PARD3B: variants seen among roughly 807,000 people sequenced by gnomAD.
The protein encoded by PARD3B is partitioning defective 3 homolog B.
Under a neutral mutation model 130.2 loss-of-function variants are expected in PARD3B, and 103 were observed. The observed-to-expected ratio is 0.79, with a 90% CI of 0.67 to 0.93. PARD3B has a LOEUF of 0.93. Ranked by LOEUF, PARD3B falls within the 40% of genes least tolerant of loss-of-function variation. The pLI is 0.00. For missense variants in PARD3B, 1,609 were observed against 1,499.2 expected, an observed-to-expected ratio of 1.07 and a Z score of -1.21; for synonymous variants, 583 against 553.2, an observed-to-expected ratio of 1.05 and a Z score of -0.76.
At chr2:205,179,895 A>G (rs1248193346) in intron 13 of PARD3B, among the ~76,000 whole-genome samples, 4 of 152,244 alleles carry the variant, frequency 2.6e-5, no homozygotes, top group Admixed American at 1.3e-4. Flanking sequence ...TAAAAAATAC[A>G]ATACAATAAT....
intron 22 of PARD3B, among the ~76,000 whole-genome samples, chr2:205,586,028 A>G (rs1294881901): frequency 6.6e-6 from 1 of 152,222 alleles, no homozygotes; most frequent in Admixed American, 6.5e-5. Context: ...CCAGGGCAGA[A>G]AAAAGATTTT....
At chr2:205,427,918 G>A (rs1014987534) in intron 19 of PARD3B, among the ~76,000 whole-genome samples, 2 of 152,176 alleles carry the variant, frequency 1.3e-5, no homozygotes, top group African/African-American at 4.8e-5. Context: ...TTAAACTTTA[G>A]TAGTCAAACT....
At chr2:204,853,251 T>A (rs1049401406) in intron 2 of PARD3B, among the ~76,000 whole-genome samples, 3 of 152,134 alleles carry the variant, frequency 2.0e-5, no homozygotes, top group African/African-American at 7.2e-5. Flanking sequence ...ATGTGCAATA[T>A]CCATAATAAA....
intron 3 of PARD3B, among the ~76,000 whole-genome samples, chr2:205,025,740 G>T (rs1238948102): frequency 1.3e-5 from 2 of 152,068 alleles, no homozygotes; most frequent in Admixed American, 1.3e-4. Flanking sequence ...TTTAATACCA[G>T]CCCGGTTCTG....
At chr2:205,149,876 G>C (rs557261577) in intron 10 of PARD3B, among the ~76,000 whole-genome samples, 1 of 152,164 alleles carries the variant, frequency 6.6e-6, no homozygotes, top group South Asian at 2.1e-4. Context: ...CTTGGGGAAG[G>C]GGGTACTGCT....
chr2:205,002,722 A>C (rs1225322328), intron 3 of PARD3B, among the ~76,000 whole-genome samples: 1 of 152,122 alleles, frequency 6.6e-6, no homozygotes, highest in African/African-American at 2.4e-5. Flanking sequence ...CCATCAGATC[A>C]GGTCTTTCCC....
At chr2:204,598,400 G>T (rs1035342208) in intron 1 of PARD3B, among the ~76,000 whole-genome samples, 3 of 152,062 alleles carry the variant, frequency 2.0e-5, no homozygotes, top group Non-Finnish European at 2.9e-5. Flanking sequence ...CAAGACTACA[G>T]GGGTAGTTTA....
chr2:205,189,810 T>C (rs940293978), intron 14 of PARD3B, among the ~76,000 whole-genome samples: 3 of 152,212 alleles, frequency 2.0e-5, no homozygotes, highest in African/African-American at 7.2e-5. Context: ...GCCTCCTTAA[T>C]ATCCATCAAT....
rs557466479 is a variant in PARD3B at position 205,021,684 on chromosome 2, C to G, written c.395-25897C>G. Among the ~76,000 whole-genome samples, 8 of 150,684 alleles carry G rather than the reference C, an allele frequency of 5.3e-5. No individual in the cohort carries two copies. Among genetic ancestry groups the G allele is most frequent in the Admixed American group, 6.6e-5 (1 of 15,076 alleles). On this transcript the variant is annotated intron_variant, in intron 3 of 22. Coordinates refer to ENST00000406610, the MANE Select transcript of PARD3B (RefSeq NM_001302769.2). The surrounding 1 kb of genome is among the most constrained non-coding windows in gnomAD (Gnocchi z 4.5). ...TATATATAGTTAATCTTTTCAATGA[C>G]CCTGTGTCTTTCTTTGGATAGAAAT... is the stretch of plus-strand genomic sequence containing the variant.
intron 1 of PARD3B, among the ~76,000 whole-genome samples, chr2:204,579,306 T>C (rs1409698980): frequency 1.3e-5 from 2 of 151,924 alleles, no homozygotes; most frequent in Non-Finnish European, 2.9e-5. Flanking sequence ...ATCCAGGGTC[T>C]AGTAAGGCCA....
At chr2:205,476,858 G>T (rs547276781) in intron 20 of PARD3B, among the ~76,000 whole-genome samples, 1 of 152,120 alleles carries the variant, frequency 6.6e-6, no homozygotes, top group Non-Finnish European at 1.5e-5. Flanking sequence ...ATGTGTGTAT[G>T]TGTATGCGTG....
In PARD3B at chr2:205,319,217, C is replaced by T. The variant is rs1338227362; in HGVS notation, c.2630+17516C>T. Among the ~76,000 whole-genome samples, 3 of 152,154 alleles carry T rather than the reference C, an allele frequency of 2.0e-5. No individual in the cohort carries two copies. The East Asian group carries it at 5.8e-4, about 29-fold the overall frequency. On this transcript the variant is annotated intron_variant, in intron 18 of 22. Transcript: ENST00000406610. Reference sequence around the variant, plus strand: ...ACCAGTAGAGCACTGAGCAACCATGCCTCTTAAACAAAGCACTACCTCCCT... The same window carrying T: ...ACCAGTAGAGCACTGAGCAACCATGTCTCTTAAACAAAGCACTACCTCCCT...
chr2:205,344,194 TTG>T lies in PARD3B; in HGVS notation c.2630+42525_2630+42526del, dbSNP rs1553681141. 4.5e-3 allele frequency among the ~76,000 whole-genome samples: 631 copies of T among 140,962 alleles called. 4 individuals carry two copies. The highest frequency in any genetic ancestry group is 0.027 in the East Asian group (127 of 4,684). 92.5% of individuals were successfully genotyped at this position (140,962 alleles called of 152,430 possible). On this transcript the variant is annotated intron_variant, in intron 18 of 22. Coordinates refer to ENST00000406610, the MANE Select transcript of PARD3B (RefSeq NM_001302769.2). ...GAAGGTGGGAAATGTGTCAGTTGGT[TTG>T]TGTGTGTGTGTGTGTGTGTGTGTGT...
chr2:205,337,344 T>C (rs1182732216), intron 18 of PARD3B, among the ~76,000 whole-genome samples: 1 of 152,242 alleles, frequency 6.6e-6, no homozygotes, highest in Non-Finnish European at 1.5e-5. Context: ...ATTTTAAGTT[T>C]CTAAGTAACT....
chr2:204,826,886 G>A (rs892087133), intron 2 of PARD3B, among the ~76,000 whole-genome samples: 22 of 152,174 alleles, frequency 1.4e-4, no homozygotes, highest in African/African-American at 5.1e-4. Flanking sequence ...CAGTCATGGT[G>A]GTATGTGCCT....
At chr2:205,386,611 T>A (rs930706028) in intron 18 of PARD3B, among the ~76,000 whole-genome samples, 2 of 150,892 alleles carry the variant, frequency 1.3e-5, no homozygotes, top group Admixed American at 1.3e-4. Context: ...TTCTGAGCAA[T>A]GAGAACTTAC....
chr2:205,162,852 A>G (rs1379649697), intron 11 of PARD3B, among the ~76,000 whole-genome samples: 1 of 152,192 alleles, frequency 6.6e-6, no homozygotes, highest in African/African-American at 2.4e-5. Flanking sequence ...CCGTCTGAAG[A>G]TGTTAGATAT....
chr2:205,487,678 G>A (rs901900742), intron 20 of PARD3B, among the ~76,000 whole-genome samples: 13 of 152,342 alleles, frequency 8.5e-5, no homozygotes, highest in Admixed American at 7.8e-4. Flanking sequence ...AAGAAGGAAT[G>A]TCATGGAGGC....
At chr2:204,614,854 T>C (rs2034052379) in intron 1 of PARD3B, among the ~76,000 whole-genome samples, 1 of 152,212 alleles carries the variant, frequency 6.6e-6, no homozygotes, top group Non-Finnish European at 1.5e-5. Context: ...CAGATGCTTG[T>C]GTTATGCTTC....
Sources: gnomAD v4.1 joint callset for allele counts (sites outside exome capture counted in the v4.1 genomes callset) on GRCh38, gnomAD v4.1.1 for gene constraint, Gnocchi (gnomAD v3.1) non-coding constraint, MANE v1.5 for transcripts, NCBI Gene and HGNC (gene_info 2026-07-23, HGNC 2026-07-21) for gene names.